LPP: variants seen among roughly 807,000 people sequenced by gnomAD.
LPP encodes lipoma-preferred partner.
LPP carries 38 observed loss-of-function variants against 60.4 expected under a neutral mutation model. The observed-to-expected ratio is 0.63, with a 90% CI of 0.49 to 0.83. LPP has a LOEUF of 0.83. Ranked by LOEUF, LPP falls within the 40% of genes least tolerant of loss-of-function variation. LPP has a pLI of 0.00. For missense variants in LPP, 902 were observed against 783.6 expected (o/e 1.15, Z -1.80); for synonymous variants, 328 against 290.8 (o/e 1.13, Z -1.30).
rs1297421079 is a variant in LPP at position 188,520,482 on chromosome 3, C to G, written c.307-4183C>G. ...AGAACAGTATAGGGGAAAATGCCCC[C>G]GTGATTCAATTATCTCCCACACGGT... On this transcript the variant is annotated intron_variant, in intron 5 of 11. Transcript: ENST00000617246. Among the ~76,000 whole-genome samples, 8 of 152,188 alleles carry G rather than the reference C, an allele frequency of 5.3e-5. No homozygotes were observed. The South Asian group carries it at 6.2e-4, about 12-fold the overall frequency.
intron 2 of LPP, among the ~76,000 whole-genome samples, chr3:188,261,359 GACAC>G (rs59390902): frequency 6.6e-6 from 1 of 151,256 alleles, no homozygotes; most frequent in Non-Finnish European, 1.5e-5. Context: ...TCTCTACACA[GACAC>G]ACACACACAC....
intron 2 of LPP, among the ~76,000 whole-genome samples, chr3:188,242,019 C>T (rs1054324508): frequency 2.3e-4 from 35 of 152,066 alleles, no homozygotes; most frequent in African/African-American, 8.2e-4. Context: ...AGTGATGAGG[C>T]CAAATCGCAG....
chr3:188,342,923 A>G (rs1009567122), intron 3 of LPP, among the ~76,000 whole-genome samples: 2 of 152,202 alleles, frequency 1.3e-5, no homozygotes, highest in Non-Finnish European at 2.9e-5. Flanking sequence ...TTCCTACAAA[A>G]AAAGAACATT....
chr3:188,867,114 T>G (rs1197170578), intron 10 of LPP, among the ~76,000 whole-genome samples: 1 of 152,036 alleles, frequency 6.6e-6, no homozygotes, highest in Non-Finnish European at 1.5e-5. Context: ...TCCCCACTAC[T>G]TCATTTATCT....
At chr3:188,314,574 A>G (rs967324272) in intron 2 of LPP, among the ~76,000 whole-genome samples, 2 of 150,758 alleles carry the variant, frequency 1.3e-5, no homozygotes, top group Admixed American at 1.3e-4. Context: ...TTCAATTTTC[A>G]TAAGTGAGAT....
At chr3:188,360,038 T>C (rs79506641) in intron 3 of LPP, among the ~76,000 whole-genome samples, 6,964 of 152,224 alleles carry the variant, frequency 0.046, 261 homozygotes, top group East Asian at 0.21. Context: ...TTTCAACCCA[T>C]TATTTTAGAC....
intron 2 of LPP, among the ~76,000 whole-genome samples, chr3:188,257,107 A>G (rs1243731448): frequency 6.6e-6 from 1 of 152,134 alleles, no homozygotes; most frequent in Non-Finnish European, 1.5e-5. Context: ...TCCATACTCT[A>G]TGTCCAGTGC....
chr3:188,780,436 G>A (rs1310365802), intron 9 of LPP, among the ~76,000 whole-genome samples: 1 of 152,094 alleles, frequency 6.6e-6, no homozygotes, highest in African/African-American at 2.4e-5. Flanking sequence ...AGGAGGCACA[G>A]TTTGTATCCA....
At chr3:188,608,491 G>A (rs1580357436) in intron 6 of LPP, among the ~76,000 whole-genome samples, 1 of 115,304 alleles carries the variant, frequency 8.7e-6, no homozygotes, top group East Asian at 2.7e-4. Flanking sequence ...GTATACACGT[G>A]GATATATTTC....
At chr3:188,179,300 A>C in intron 1 of LPP, 1 of 458,182 alleles carries the variant, frequency 2.2e-6, no homozygotes, top group South Asian at 1.5e-5. Flanking sequence ...TGACCCGTGC[A>C]TGTGCCTCTG....
chr3:188,181,698 T>A (rs1420922218), intron 1 of LPP, among the ~76,000 whole-genome samples: 4 of 152,256 alleles, frequency 2.6e-5, no homozygotes, highest in East Asian at 3.9e-4. Context: ...TTTAAAAATT[T>A]ATTTAATTTA....
intron 9 of LPP, among the ~76,000 whole-genome samples, chr3:188,798,707 C>T (rs959332415): frequency 5.3e-5 from 8 of 152,138 alleles, no homozygotes; most frequent in Non-Finnish European, 8.8e-5. Context: ...TTTAGAGAGA[C>T]CTTAATTAAT....
intron 5 of LPP, among the ~76,000 whole-genome samples, chr3:188,501,922 AAAAC>A (rs1560486948): frequency 6.6e-6 from 1 of 152,036 alleles, no homozygotes; most frequent in Non-Finnish European, 1.5e-5. Flanking sequence ...ATTAAAAAAA[AAAAC>A]AAACAAGTAT....
chr3:188,852,263 G>A (rs1762841225), intron 9 of LPP, among the ~76,000 whole-genome samples: 1 of 152,226 alleles, frequency 6.6e-6, no homozygotes, highest in East Asian at 1.9e-4. Flanking sequence ...TCTCTCAAAG[G>A]CTGCTTCTCC....
intron 5 of LPP, among the ~76,000 whole-genome samples, chr3:188,518,320 C>T (rs983119027): frequency 6.6e-6 from 1 of 151,936 alleles, no homozygotes; most frequent in Non-Finnish European, 1.5e-5. Flanking sequence ...AGTGAAATTC[C>T]TGTTGTATTA....
intron 2 of LPP, among the ~76,000 whole-genome samples, chr3:188,240,322 A>G (rs556990548): frequency 6.6e-6 from 1 of 151,542 alleles, no homozygotes; most frequent in Admixed American, 6.6e-5. Flanking sequence ...ACTGCATAAG[A>G]GTCAGGAGTT....
intron 1 of LPP, among the ~76,000 whole-genome samples, chr3:188,197,703 G>A (rs963205406): frequency 2.0e-5 from 3 of 151,750 alleles, no homozygotes; most frequent in African/African-American, 4.8e-5. Flanking sequence ...GGCTCCAGGC[G>A]GCACTGGAGC....
At chr3:188,862,340 G>A (rs1434272900) in intron 9 of LPP, among the ~76,000 whole-genome samples, 1 of 152,154 alleles carries the variant, frequency 6.6e-6, no homozygotes, top group Non-Finnish European at 1.5e-5. Context: ...ATTGTGTTCA[G>A]TGTCATAGGG....
At chr3:188,733,959 C>CA (rs1721584020) in intron 8 of LPP, among the ~76,000 whole-genome samples, 1 of 151,932 alleles carries the variant, frequency 6.6e-6, no homozygotes, top group Admixed American at 6.6e-5. Flanking sequence ...ACTGTTTTTC[C>CA]TTTTTCCTCC....
Sources: gnomAD v4.1 joint callset for allele counts (sites outside exome capture counted in the v4.1 genomes callset) on GRCh38, gnomAD v4.1.1 for gene constraint, MANE v1.5 for transcripts, NCBI Gene and HGNC (gene_info 2026-07-23, HGNC 2026-07-21) for gene names.